RGS6: variants seen among roughly 807,000 people sequenced by gnomAD.
The protein encoded by RGS6 is regulator of G-protein signaling 6.
RGS6 carries 30 observed loss-of-function variants against 78.5 expected under a neutral mutation model. The ratio of observed to expected loss-of-function variants is 0.38; its 90% CI spans 0.29 to 0.52. The LOEUF (loss-of-function observed/expected upper bound fraction) is 0.52. Ranked by LOEUF, RGS6 falls within the 20% of genes least tolerant of loss-of-function variation. The pLI is 0.85. For missense variants in RGS6, 495 were observed against 609.7 expected, an observed-to-expected ratio of 0.81 and a Z score of 1.98; for synonymous variants, 206 against 206.0, an observed-to-expected ratio of 1.00 and a Z score of 0.00.
At chr14:72,081,614 T>G (rs978046820) in intron 2 of RGS6, among the ~76,000 whole-genome samples, 2 of 152,082 alleles carry the variant, frequency 1.3e-5, no homozygotes, top group African/African-American at 4.8e-5. Flanking sequence ...CTTTTTAACT[T>G]ACTTCTCTTG....
chr14:72,065,618 A>G (rs986079316), intron 2 of RGS6, among the ~76,000 whole-genome samples: 3 of 152,156 alleles, frequency 2.0e-5, no homozygotes, highest in South Asian at 4.1e-4. Flanking sequence ...CAGATCCTCA[A>G]ACGTCATTGG....
the RGS6 span, among the ~76,000 whole-genome samples, chr14:71,915,645 G>A: frequency 6.6e-6 from 1 of 152,164 alleles, no homozygotes; most frequent in African/African-American, 2.4e-5. Context: ...GATTGTTTAA[G>A]TCAATCAGCA....
chr14:72,156,725 T>G (rs996954846), intron 2 of RGS6, among the ~76,000 whole-genome samples: 3 of 152,112 alleles, frequency 2.0e-5, no homozygotes, highest in Non-Finnish European at 4.4e-5. Flanking sequence ...GTAAGGAAGT[T>G]GAACAAAAAG....
At chr14:72,436,902 G>C (rs1239754273) in intron 3 of RGS6, among the ~76,000 whole-genome samples, 1 of 152,190 alleles carries the variant, frequency 6.6e-6, no homozygotes, top group Non-Finnish European at 1.5e-5. Context: ...CAGTGAGTCA[G>C]AGTGCAGAGT....
intron 2 of RGS6, among the ~76,000 whole-genome samples, chr14:72,263,067 G>T (rs1594968201): frequency 1.3e-5 from 2 of 152,162 alleles, no homozygotes; most frequent in African/African-American, 2.4e-5. Flanking sequence ...TGGACCCAGG[G>T]CCTATCTGGG....
chr14:72,541,530 G>C (rs1171778554), intron 17 of RGS6: 4 of 1,535,704 alleles, frequency 2.6e-6, no homozygotes, highest in Admixed American at 2.0e-5. Flanking sequence ...TTTGCCAATG[G>C]CCGTGTGGCT....
chr14:72,228,368 G>A (rs530188028), intron 2 of RGS6, among the ~76,000 whole-genome samples: 7 of 151,558 alleles, frequency 4.6e-5, no homozygotes, highest in Admixed American at 2.6e-4. Flanking sequence ...GCAACAGAGC[G>A]AGACTCTGTC....
At chr14:72,032,664 C>T (rs1012305891) in intron 2 of RGS6, among the ~76,000 whole-genome samples, 27 of 152,050 alleles carry the variant, frequency 1.8e-4, no homozygotes, top group Admixed American at 1.7e-3. Flanking sequence ...TCTAAAATTT[C>T]GACTACTTAA....
chr14:72,352,671 A>G (rs1356628024), intron 3 of RGS6, among the ~76,000 whole-genome samples: 1 of 152,136 alleles, frequency 6.6e-6, no homozygotes, highest in Admixed American at 6.5e-5. Flanking sequence ...TTTCTTTTAA[A>G]ATATTTTATT....
chr14:72,126,771 C>T (rs561712182), intron 2 of RGS6, among the ~76,000 whole-genome samples: 1 of 152,324 alleles, frequency 6.6e-6, no homozygotes, highest in Non-Finnish European at 1.5e-5. Flanking sequence ...TGTCACCTGG[C>T]TGGGCTTATA....
rs1012791632 is a variant in RGS6, at chr14:72,121,176, C to T, written c.84+156301C>T. On this transcript the variant is annotated intron_variant, in intron 2 of 17. Transcript: ENST00000553525. ...ATCCTCTTCCCTGCTCAAACCCCAC[C>T]GTGGCTGTGAAGTATTAACTTGACG... Among the ~76,000 whole-genome samples the T allele has an allele frequency of 3.3e-5, 5 of 152,192 alleles. No homozygotes were observed. In the East Asian group the frequency reaches 7.7e-4, roughly 23 times the overall value.
At chr14:72,080,364 T>A (rs2094767501) in intron 2 of RGS6, among the ~76,000 whole-genome samples, 2 of 152,148 alleles carry the variant, frequency 1.3e-5, no homozygotes, top group African/African-American at 4.8e-5. Context: ...TTGCCCATTT[T>A]AAAAATTGTT....
At chr14:72,463,566 C>T (rs529214574) in intron 6 of RGS6, among the ~76,000 whole-genome samples, 4 of 152,340 alleles carry the variant, frequency 2.6e-5, no homozygotes, top group Non-Finnish European at 4.4e-5. Context: ...ATTTTGACCC[C>T]GCTTACCCAT....
the RGS6 span, among the ~76,000 whole-genome samples, chr14:71,924,509 A>G: frequency 6.6e-6 from 1 of 152,194 alleles, no homozygotes; most frequent in African/African-American, 2.4e-5. Flanking sequence ...CATCCTACAT[A>G]ACTGCTATTT....
At position 72,363,999 on chromosome 14, in the gene RGS6, T is replaced by TAAAAAAAAAAAAAAA. The variant is rs55943058; in HGVS notation, c.184+11818_184+11832dup. Among the ~76,000 whole-genome samples the TAAAAAAAAAAAAAAA allele has an allele frequency of 1.9e-4, 9 of 46,802 alleles. 2 individuals carry two copies. The highest frequency in any genetic ancestry group is 5.9e-4 in the African/African-American group (9 of 15,210). 30.7% of individuals were successfully genotyped at this position (46,802 alleles called of 152,430 possible). A position where few individuals can be genotyped will look rare whatever the true frequency, so the allele number is the denominator to read the frequency against. ...ACCATCACTTGTCAGTGGACAAGGC[T>TAAAAAAAAAAAAAAA]AAAAAAAAAAAAAAAAAAAAAAAAA... On this transcript the variant is annotated intron_variant, in intron 3 of 17. Coordinates refer to ENST00000553525, the MANE Select transcript of RGS6 (RefSeq NM_001204424.2).
chr14:72,074,673 A>AT (rs1253082162), intron 2 of RGS6, among the ~76,000 whole-genome samples: 2 of 151,830 alleles, frequency 1.3e-5, no homozygotes, highest in African/African-American at 2.4e-5. Flanking sequence ...GCTCAATGCT[A>AT]TTTTTTCAGT....
At chr14:72,243,433 C>G (rs974673672) in intron 2 of RGS6, among the ~76,000 whole-genome samples, 2 of 152,176 alleles carry the variant, frequency 1.3e-5, no homozygotes, top group Non-Finnish European at 2.9e-5. Flanking sequence ...AATTGAAAAG[C>G]ATGACAAGTG....
At chr14:72,386,608 G>T (rs557277441) in intron 3 of RGS6, among the ~76,000 whole-genome samples, 107 of 152,270 alleles carry the variant, frequency 7.0e-4, no homozygotes, top group African/African-American at 2.5e-3. Context: ...AAATGAGTCT[G>T]TGAGCAAAGG....
intron 3 of RGS6, among the ~76,000 whole-genome samples, chr14:72,438,929 C>T (rs2095064236): frequency 6.6e-6 from 1 of 152,254 alleles, no homozygotes; most frequent in Non-Finnish European, 1.5e-5. Flanking sequence ...ACGAGCCTGC[C>T]TCTTGCCCTC....
Sources: allele counts gnomAD v4.1 joint callset (sites outside exome capture counted in the v4.1 genomes callset), GRCh38; gene constraint gnomAD v4.1.1; transcripts MANE v1.5; gene names NCBI Gene and HGNC (gene_info 2026-07-23, HGNC 2026-07-21).